LRCH3: variants seen among roughly 807,000 people sequenced by gnomAD.
LRCH3 encodes leucine rich repeats and calponin homology domain containing 3, also known as DISP complex protein LRCH3.
LRCH3 carries 68 observed loss-of-function variants against 104.5 expected under a neutral mutation model. The ratio of observed to expected loss-of-function variants is 0.65; its 90% CI spans 0.54 to 0.80. The LOEUF (loss-of-function observed/expected upper bound fraction) is 0.80, where lower values mean the gene tolerates loss of function less well. Among genes scored for constraint, LRCH3 ranks in the 30% least tolerant of loss-of-function variants. LRCH3 has a pLI of 0.00. For missense variants in LRCH3, 951 were observed against 953.9 expected (o/e 1.00, Z 0.04); for synonymous variants, 344 against 361.3 (o/e 0.95, Z 0.54).
At chr3:197,794,843 A>G (rs999750993) in intron 1 of LRCH3, among the ~76,000 whole-genome samples, 2 of 152,064 alleles carry the variant, frequency 1.3e-5, no homozygotes, top group Non-Finnish European at 1.5e-5. Flanking sequence ...GGTCTCAACT[A>G]AAAATACAAA....
At chr3:197,875,633 G>A (rs1712801658) in intron 19 of LRCH3, 65 bp from the exon 20 acceptor site, 1 of 1,224,544 alleles carries the variant, frequency 8.2e-7, no homozygotes, top group Non-Finnish European at 1.2e-6. Flanking sequence ...CAGCCTGGGT[G>A]GCAGTGAGAC....
intron 1 of LRCH3, among the ~76,000 whole-genome samples, chr3:197,813,002 A>G (rs1733364355): frequency 6.6e-6 from 1 of 152,136 alleles, no homozygotes; most frequent in Admixed American, 6.6e-5. Context: ...AAAGGTTCCA[A>G]TTTCTCCACA....
intron 12 of LRCH3, chr3:197,848,569 T>C (rs1449071745): frequency 6.6e-6 from 1 of 152,652 alleles, no homozygotes; most frequent in Non-Finnish European, 1.5e-5. Context: ...CTTTTTGTTC[T>C]GAAATCGTCA....
chr3:197,871,236 A>AT, intron 18 of LRCH3, 89 bp from the exon 19 acceptor site: 1 of 1,075,110 alleles, frequency 9.3e-7, no homozygotes, highest in South Asian at 1.5e-5. Context: ...TTTTATCTTG[A>AT]TTTTTAATTA....
chr3:197,868,197 A>G (rs1169463493), intron 17 of LRCH3, among the ~76,000 whole-genome samples: 1 of 152,242 alleles, frequency 6.6e-6, no homozygotes, highest in African/African-American at 2.4e-5. Flanking sequence ...TCAACCAGTC[A>G]TGGACAGAAA....
In LRCH3 at chr3:197,887,229, G is replaced by GC. The variant is rs1238879507; in HGVS notation, c.*3564dup. 3 of 152,002 alleles carry GC rather than the reference G, an allele frequency of 2.0e-5. No individual in the cohort carries two copies. Among genetic ancestry groups the GC allele is most frequent in the Admixed American group, 2.0e-4 (3 of 15,256 alleles). 9.4% of individuals were successfully genotyped at this position (152,002 alleles called of 1,614,324 possible). A position where few individuals can be genotyped will look rare whatever the true frequency, so the allele number is the denominator to read the frequency against. ...TACCTTTTTTTTTTTAAATTGGAAA[G>GC]CACAATTCGGTTTAACATTTAGCTT... is the stretch of plus-strand genomic sequence containing the variant. On this transcript the variant is annotated 3_prime_UTR_variant, in exon 21 of 21. Coordinates refer to ENST00000425562, the MANE Select transcript of LRCH3 (RefSeq NM_001365715.1).
intron 1 of LRCH3, among the ~76,000 whole-genome samples, chr3:197,792,604 T>TATATATATATATATATATATATATAAAA (rs1553912025): frequency 1.7e-5 from 1 of 58,524 alleles, no homozygotes; most frequent in Non-Finnish European, 3.6e-5. Context: ...TATATATATA[T>TATATATATATATATATATATATATAAAA]AAAATATACA....
At position 197,856,285 on chromosome 3, in the gene LRCH3, A is replaced by G. The variant is rs189238410; in HGVS notation, c.1644+1840A>G. On this transcript the variant is annotated intron_variant, in intron 14 of 20. Transcript: ENST00000425562. The surrounding 1 kb of genome is among the most constrained non-coding windows in gnomAD (Gnocchi z 4.2). ...ACTGACAGGAGCTCCAGTGCGTTTG[A>G]TGAAAAGGAGGCCCGGGAAGTATAC... 4.0e-4 allele frequency among the ~76,000 whole-genome samples: 61 copies of G among 152,320 alleles called. No individual in the cohort carries two copies. The highest frequency in any genetic ancestry group is 7.2e-4 in the Admixed American group (11 of 15,298).
chr3:197,848,825 G>A (rs1003273325), intron 12 of LRCH3, among the ~76,000 whole-genome samples: 2 of 152,114 alleles, frequency 1.3e-5, no homozygotes, highest in Non-Finnish European at 2.9e-5. Flanking sequence ...CTTTAAGTAC[G>A]ATGCGTATGT....
chr3:197,835,497 TAAAAAAAA>T (rs79382131), intron 8 of LRCH3, among the ~76,000 whole-genome samples, 169 bp from the exon 9 acceptor site: 2 of 135,098 alleles, frequency 1.5e-5, no homozygotes, highest in Non-Finnish European at 3.1e-5. Flanking sequence ...ATAAAATGGG[TAAAAAAAA>T]AAAAAAAAAA....
Position 197,791,407 on chromosome 3 carries a change from C to A in LRCH3, c.129C>A (p.Gly43=), listed in dbSNP as rs374333596. The A allele has an allele frequency of 1.9e-4, 297 of 1,592,060 alleles. No homozygotes were observed. The highest frequency in any genetic ancestry group is 2.5e-4 in the Non-Finnish European group (289 of 1,171,078). ...GGGCAGGCCCTGGTTTTGGCCCGGG[C>A]TCGTGGAGCCGCTCTCTCGATCGAG... The part of the protein sequence containing the change: ...SSGAGPGFGP[G]SWSRSLDRAL... The change falls in exon 1 of 21, where the codon GGC becomes GGA. Residue 43 remains glycine (G), a synonymous_variant. Coordinates refer to ENST00000425562, the MANE Select transcript of LRCH3 (RefSeq NM_001365715.1).
chr3:197,880,518 C>G lies in LRCH3; in HGVS notation c.2209-3023C>G, dbSNP rs540204021. The G allele has an allele frequency of 3.9e-6, 6 of 1,536,040 alleles. No homozygotes were observed. In the East Asian group the frequency reaches 9.8e-5, roughly 25 times the overall value. Reference sequence around the variant, plus strand: ...CTGCTTACACTTTGGACAGGACAATCTTTGTTCCCCTTCCGACATCCTTCA... The same window carrying G: ...CTGCTTACACTTTGGACAGGACAATGTTTGTTCCCCTTCCGACATCCTTCA... On this transcript the variant is annotated intron_variant, in intron 20 of 20. Transcript: ENST00000425562.
intron 1 of LRCH3, among the ~76,000 whole-genome samples, chr3:197,794,772 G>C (rs940868916): frequency 6.6e-6 from 1 of 152,142 alleles, no homozygotes; most frequent in Non-Finnish European, 1.5e-5. Flanking sequence ...TGGGAGGCCA[G>C]GGCGGGCAGA....
intron 3 of LRCH3, 64 bp from the exon 4 acceptor site, chr3:197,820,261 A>G: frequency 8.8e-7 from 1 of 1,138,420 alleles, no homozygotes; most frequent in Non-Finnish European, 1.3e-6. Context: ...AATTTTATAG[A>G]CAGTTTAAAG....
intron 8 of LRCH3, among the ~76,000 whole-genome samples, chr3:197,835,342 C>G (rs1736617807): frequency 1.3e-5 from 2 of 151,516 alleles, no homozygotes; most frequent in Admixed American, 1.3e-4. Context: ...TGCCACTAAG[C>G]CCAGCTAATT....
chr3:197,834,960 A>G (rs1365080737), intron 8 of LRCH3, among the ~76,000 whole-genome samples: 2 of 152,066 alleles, frequency 1.3e-5, no homozygotes, highest in African/African-American at 4.8e-5. Flanking sequence ...CCTGGCCAAC[A>G]TGGTGAAACC....
chr3:197,791,753 G>T (rs1730544934), intron 1 of LRCH3, among the ~76,000 whole-genome samples: 2 of 152,214 alleles, frequency 1.3e-5, no homozygotes, highest in African/African-American at 2.4e-5. Flanking sequence ...CATCTCTCGG[G>T]GAAGGGGGCC....
intron 1 of LRCH3, among the ~76,000 whole-genome samples, chr3:197,793,147 C>G (rs1020044216): frequency 6.6e-6 from 1 of 152,098 alleles, no homozygotes; most frequent in Non-Finnish European, 1.5e-5. Flanking sequence ...CTATGCTTTG[C>G]AGTCATTAAA....
At chr3:197,840,726 A>G (rs1737682213) in intron 10 of LRCH3, among the ~76,000 whole-genome samples, 1 of 98,518 alleles carries the variant, frequency 1.0e-5, no homozygotes, top group African/African-American at 4.7e-5. Flanking sequence ...GGGAGAAAAA[A>G]GACAGACATC....
Sources: gnomAD v4.1 joint callset for allele counts (sites outside exome capture counted in the v4.1 genomes callset) on GRCh38, gnomAD v4.1.1 for gene constraint, Gnocchi (gnomAD v3.1) non-coding constraint, MANE v1.5 for transcripts, NCBI Gene and HGNC (gene_info 2026-07-23, HGNC 2026-07-21) for gene names.